PTPRT: variants seen among roughly 807,000 people sequenced by gnomAD.
PTPRT encodes the protein receptor-type tyrosine-protein phosphatase T.
In PTPRT, 56 loss-of-function variants were observed where a neutral mutation model predicts 176.8. That is an observed-to-expected ratio of 0.32 (90% CI 0.26 to 0.40). PTPRT has a LOEUF of 0.40. Among genes scored for constraint, PTPRT ranks in the 10% least tolerant of loss-of-function variants. The pLI, the probability that PTPRT is intolerant of heterozygous loss-of-function variation, is 1.00. For missense variants in PTPRT, 1,540 were observed against 1,908.2 expected, an observed-to-expected ratio of 0.81 and a Z score of 3.60; for synonymous variants, 783 against 739.0, an observed-to-expected ratio of 1.06 and a Z score of -0.96.
At position 42,080,894 on chromosome 20, in the gene PTPRT, A is replaced by G. The variant is rs374578763; in HGVS notation, c.4311T>C (p.Tyr1437=). The G allele has an allele frequency of 2.8e-5, 45 of 1,611,460 alleles. No homozygotes were observed. The highest frequency in any genetic ancestry group is 3.8e-5 in the Non-Finnish European group (45 of 1,178,112). Residue 1437 remains tyrosine (Y), a synonymous_variant, in exon 31 of 31, where the codon TAT becomes TAC. Coordinates refer to ENST00000373187, the MANE Select transcript of PTPRT (RefSeq NM_007050.6). ...TCCCATTGAGCTAAAAGGAGCTTAA[A>G]TATTCCAGTGCCACCTCGTATACAA... ...YKFVYEVALE[Y]LSSF is the part of the protein sequence containing the mutation.
intron 1 of PTPRT, among the ~76,000 whole-genome samples, chr20:43,077,836 AG>A (rs1260398034): frequency 1.3e-5 from 2 of 152,212 alleles, no homozygotes; most frequent in South Asian, 2.1e-4. Context: ...TTTACAAAGC[AG>A]TAGACCTCAG....
intron 29 of PTPRT, among the ~76,000 whole-genome samples, chr20:42,083,156 TGAGAG>T (rs1176482259): frequency 1.3e-5 from 1 of 74,434 alleles, no homozygotes; most frequent in Non-Finnish European, 2.7e-5. Context: ...AAAACAAACA[TGAGAG>T]AGAGAGAGAG....
At chr20:42,169,743 AACACACACACACACACACACACACAC>A (rs56329932) in intron 16 of PTPRT, among the ~76,000 whole-genome samples, 1 of 104,596 alleles carries the variant, frequency 9.6e-6, no homozygotes, top group Non-Finnish European at 1.9e-5. Context: ...ACAATTTTCA[AACACACACACACACACACACACACAC>A]ACACACACAC....
intron 7 of PTPRT, among the ~76,000 whole-genome samples, chr20:42,590,064 C>T (rs1393342710): frequency 6.6e-6 from 1 of 152,092 alleles, no homozygotes; most frequent in Non-Finnish European, 1.5e-5. Context: ...ATAAAAGTTA[C>T]AACAAGTCAT....
intron 9 of PTPRT, among the ~76,000 whole-genome samples, chr20:42,403,739 C>T (rs938131112): frequency 6.6e-6 from 1 of 152,120 alleles, no homozygotes; most frequent in Admixed American, 6.5e-5. Context: ...TGCTTTCTCA[C>T]CTCCACTCTT....
chr20:42,415,790 G>A (rs2059060753), intron 9 of PTPRT, among the ~76,000 whole-genome samples: 1 of 152,310 alleles, frequency 6.6e-6, no homozygotes, highest in Middle Eastern at 3.4e-3. Context: ...TGGGAGTGAT[G>A]CTGTATGAGG....
intron 19 of PTPRT, among the ~76,000 whole-genome samples, chr20:42,126,852 G>A (rs758894988): frequency 6.6e-6 from 1 of 152,208 alleles, no homozygotes; most frequent in Non-Finnish European, 1.5e-5. Flanking sequence ...AGAGTGCCTT[G>A]CTCTGGGCTG....
rs116149710 is a variant in PTPRT, at chr20:42,149,070, T to C, written c.2683-7068A>G. On this transcript the variant is annotated intron_variant, in intron 17 of 30. Transcript: ENST00000373187. ...CACTTCCAGGTATGCATTCACTTCATTGCAACAAGTGATAAACCCAACTTG... is the reference window on the plus strand; with the variant it reads ...CACTTCCAGGTATGCATTCACTTCACTGCAACAAGTGATAAACCCAACTTG... Among the ~76,000 whole-genome samples the C allele has an allele frequency of 8.4e-3, 1,280 of 152,316 alleles. 16 individuals are homozygous for C. The highest frequency in any genetic ancestry group is 0.029 in the African/African-American group (1,187 of 41,572).
At position 42,657,876 on chromosome 20, in the gene PTPRT, A is replaced by G. The variant is rs900353453; in HGVS notation, c.1153+19990T>C. Among the ~76,000 whole-genome samples the G allele has an allele frequency of 2.6e-5, 4 of 151,246 alleles. No individual in the cohort carries two copies. In the South Asian group the frequency reaches 6.2e-4, roughly 24 times the overall value. ...TAACACCTCACCAGTTTCTTCATTAATGAATTAAATGCAATCATGTTCATT... is the reference window on the plus strand; with the variant it reads ...TAACACCTCACCAGTTTCTTCATTAGTGAATTAAATGCAATCATGTTCATT... On this transcript the variant is annotated intron_variant, in intron 7 of 30. Transcript: ENST00000373187.
rs2079094303 is a variant in PTPRT, at chr20:42,885,889, A to G, written c.132T>C (p.Ser44=). 6.2e-7 allele frequency: 1 copy of G among 1,610,728 alleles called. No homozygotes were observed. The highest frequency in any genetic ancestry group is 1.3e-5 in the African/African-American group (1 of 74,774). The change falls in exon 2 of 31, where the codon AGT becomes AGC. Residue 44 remains serine, a synonymous_variant. Coordinates refer to ENST00000373187, the MANE Select transcript of PTPRT (RefSeq NM_007050.6). ...FDEHYSNCGY[S]VALGTNGFTW... Reference sequence around the variant, plus strand: ...TGAACCCATTGGTCCCTAGAGCCACACTATAACCACAGTTGCTGTAGTGCT... The same window carrying G: ...TGAACCCATTGGTCCCTAGAGCCACGCTATAACCACAGTTGCTGTAGTGCT...
In PTPRT at chr20:42,199,280, A is replaced by G. The variant is rs370192193; in HGVS notation, c.2451T>C (p.Asp817=). The part of the protein sequence containing the change: ...PTTKLSASRN[D]EGFSSSSQDV... ...CCTGAGAACTAGAAGAGAAGCCTTC[A>G]TCATTGCGGCTGGCGCTGAGCTTGG... is the stretch of plus-strand genomic sequence containing the variant. The change falls in exon 16 of 31, where the codon GAT becomes GAC. Residue 817 remains aspartate, a synonymous_variant. Transcript: ENST00000373187. 1.1e-5 allele frequency: 18 copies of G among 1,614,052 alleles called. No individual in the cohort carries two copies. The South Asian group carries it at 2.0e-4, about 18-fold the overall frequency.
At chr20:42,580,485 T>C (rs1423713653) in intron 7 of PTPRT, among the ~76,000 whole-genome samples, 1 of 152,148 alleles carries the variant, frequency 6.6e-6, no homozygotes, top group East Asian at 1.9e-4. Flanking sequence ...ATCTGTAAAT[T>C]ACCTTGGGCA....
chr20:42,573,451 A>G (rs1014880730), intron 7 of PTPRT, among the ~76,000 whole-genome samples: 21 of 152,206 alleles, frequency 1.4e-4, no homozygotes, highest in Admixed American at 1.3e-3. Context: ...GTCCTTGGCA[A>G]TAAAGAGGGG....
intron 7 of PTPRT, among the ~76,000 whole-genome samples, chr20:42,535,734 T>C (rs1049368071): frequency 1.3e-5 from 2 of 152,108 alleles, no homozygotes; most frequent in African/African-American, 4.8e-5. Context: ...GGCCCTGCAG[T>C]GATAGGGCCC....
intron 18 of PTPRT, among the ~76,000 whole-genome samples, chr20:42,141,050 TCATC>T (rs1415308035): frequency 7.9e-5 from 12 of 152,276 alleles, no homozygotes; most frequent in Non-Finnish European, 1.5e-4. Context: ...ACCGCTGACT[TCATC>T]AATGAGTCAT....
At chr20:42,096,762 T>TAA (rs1568924888) in intron 27 of PTPRT, among the ~76,000 whole-genome samples, 22,252 of 118,236 alleles carry the variant, frequency 0.19, 1,451 homozygotes, top group Middle Eastern at 0.3. Flanking sequence ...TAAAATTTTT[T>TAA]TTTTTTTTTT....
intron 15 of PTPRT, among the ~76,000 whole-genome samples, chr20:42,217,452 C>A (rs2055803847): frequency 6.6e-6 from 1 of 151,506 alleles, no homozygotes; most frequent in African/African-American, 2.4e-5. Context: ...CCCCACTCCA[C>A]CCCAAAACTG....
At chr20:42,084,433 T>C (rs1400101115) in intron 29 of PTPRT, among the ~76,000 whole-genome samples, 1 of 152,234 alleles carries the variant, frequency 6.6e-6, no homozygotes, top group Non-Finnish European at 1.5e-5. Context: ...CCTCCTCTCA[T>C]GTTTGTGGAA....
At chr20:42,329,405 G>T (rs1431557704) in intron 11 of PTPRT, among the ~76,000 whole-genome samples, 1 of 150,856 alleles carries the variant, frequency 6.6e-6, no homozygotes. Flanking sequence ...TATTAAAATG[G>T]GTGATACAGA....
Sources: allele counts gnomAD v4.1 joint callset (sites outside exome capture counted in the v4.1 genomes callset), GRCh38; gene constraint gnomAD v4.1.1; transcripts MANE v1.5; gene names NCBI Gene and HGNC (gene_info 2026-07-23, HGNC 2026-07-21).